CALCOCO2: variants seen among roughly 807,000 people sequenced by gnomAD.
CALCOCO2 encodes calcium binding and coiled-coil domain 2.
In CALCOCO2, 42 loss-of-function variants were observed where a neutral mutation model predicts 62.5. That is an observed-to-expected ratio of 0.67 (90% CI 0.53 to 0.87). CALCOCO2 has a LOEUF of 0.87. Ranked by LOEUF, CALCOCO2 falls within the 40% of genes least tolerant of loss-of-function variation. The probability of loss-of-function intolerance (pLI) is 0.00; values close to 1 mark genes in which losing one functional copy is unlikely to be tolerated. For synonymous variants in CALCOCO2, 167 were observed against 173.0 expected, an observed-to-expected ratio of 0.97 and a Z score of 0.27; for missense variants, 456 against 515.0, an observed-to-expected ratio of 0.89 and a Z score of 1.11.
At chr17:48,842,866 C>T (rs371864229) in intron 2 of CALCOCO2, among the ~76,000 whole-genome samples, 21 of 152,002 alleles carry the variant, frequency 1.4e-4, no homozygotes, top group African/African-American at 4.8e-4. Context: ...GTCTTGAATT[C>T]CTGACCTTGT....
At chr17:48,835,272 C>T (rs546210012) in intron 1 of CALCOCO2, among the ~76,000 whole-genome samples, 22 of 152,230 alleles carry the variant, frequency 1.4e-4, no homozygotes, top group East Asian at 9.7e-4. Context: ...TGACCAAGTT[C>T]GGGTTGGCAT....
In CALCOCO2 at chr17:48,854,068, C is replaced by A. The variant is rs571454640; in HGVS notation, c.912+1056C>A. On this transcript the variant is annotated intron_variant, in intron 9 of 12. Coordinates refer to ENST00000258947, the MANE Select transcript of CALCOCO2 (RefSeq NM_005831.5). ...CGGTGGCTCGCGCCTGTAATCCCAG[C>A]ACTTTGGGAGGCGGAGGCAGGTGGA... Among the ~76,000 whole-genome samples, 247 of 152,072 alleles carry A rather than the reference C, an allele frequency of 1.6e-3. 1 individual carries two copies. Among genetic ancestry groups the A allele is most frequent in the African/African-American group, 5.8e-3 (242 of 41,520 alleles).
intron 10 of CALCOCO2, among the ~76,000 whole-genome samples, chr17:48,858,169 A>G (rs563168218): frequency 6.6e-6 from 1 of 151,900 alleles, no homozygotes; most frequent in South Asian, 2.1e-4. Flanking sequence ...CCATCTTGCA[A>G]CATTAAAACT....
At position 48,857,802 on chromosome 17, in the gene CALCOCO2, G is replaced by C. The variant is rs1262699615; in HGVS notation, c.1008+1615G>C. The stretch of plus-strand genomic sequence containing the variant: ...ATCCTGGCTAACACAGTGAAACCCC[G>C]TCTCTACTAAAAATACAAAAAAAAA... On this transcript the variant is annotated intron_variant, in intron 10 of 12. Transcript: ENST00000258947. 8.3e-5 allele frequency among the ~76,000 whole-genome samples: 12 copies of C among 144,448 alleles called. No homozygotes were observed. In the South Asian group the frequency reaches 2.8e-3, roughly 33 times the overall value. The allele number at this position is 144,448 out of a possible 152,430, so 94.8% of individuals were successfully genotyped here. A position where few individuals can be genotyped will look rare whatever the true frequency, so the allele number is the denominator to read the frequency against.
At chr17:48,836,481 T>C (rs2039891850) in intron 1 of CALCOCO2, among the ~76,000 whole-genome samples, 1 of 152,250 alleles carries the variant, frequency 6.6e-6, no homozygotes, top group African/African-American at 2.4e-5. Context: ...TTTTACTTTT[T>C]GATGAATGAT....
chr17:48,850,932 AAG>A (rs373338457), intron 5 of CALCOCO2, 155 bp from the exon 6 acceptor site: 184 of 486,736 alleles, frequency 3.8e-4, no homozygotes, highest in Admixed American at 1.5e-3. Context: ...AAAAAAAAAA[AAG>A]AACATTTTCC....
rs1170933709 is a variant in CALCOCO2 at position 48,841,810 on chromosome 17, G to A, written c.103G>A (p.Gly35Arg). Residue 35 changes from glycine (G) to arginine (R), a missense_variant, in exon 2 of 13, where the codon GGA becomes AGA. Transcript: ENST00000258947. ...CAGTGTGGAGAAGTTCTACATCCCT[G>A]GAGGGGACGTCACATGTCATTATAC... Reference protein sequence around the residue: ...FNSVEKFYIPGGDVTCHYTFT... With the variant: ...FNSVEKFYIPRGDVTCHYTFT... The A allele has an allele frequency of 6.2e-7, 1 of 1,613,450 alleles. No individual in the cohort carries two copies. The highest frequency in any genetic ancestry group is 8.5e-7 in the Non-Finnish European group (1 of 1,179,448).
intron 9 of CALCOCO2, among the ~76,000 whole-genome samples, chr17:48,855,150 TG>T (rs1314856450): frequency 6.6e-6 from 1 of 152,166 alleles, no homozygotes; most frequent in African/African-American, 2.4e-5. Flanking sequence ...GAAACTAGCA[TG>T]GGGGTCCCTG....
At chr17:48,843,190 G>A (rs1231958382) in intron 2 of CALCOCO2, among the ~76,000 whole-genome samples, 1 of 152,014 alleles carries the variant, frequency 6.6e-6, no homozygotes, top group Non-Finnish European at 1.5e-5. Context: ...TGATCACCCC[G>A]TCAGTTCAAG....
rs747256547 is a variant in CALCOCO2, at chr17:48,853,029, A to T, written c.912+17A>T. 3.2e-6 allele frequency: 5 copies of T among 1,564,198 alleles called. No homozygotes were observed. In the East Asian group the frequency reaches 1.1e-4, roughly 35 times the overall value. ...GAATTAATGGCATGTCTGTCTTTGG[A>T]TGGTTATGTGGGAGGGAGCCTATAG... is the stretch of plus-strand genomic sequence containing the variant. On this transcript the variant is annotated intron_variant, in intron 9 of 12. Transcript: ENST00000258947.
intron 11 of CALCOCO2, among the ~76,000 whole-genome samples, chr17:48,861,487 A>T (rs1243545684): frequency 6.6e-6 from 1 of 151,940 alleles, no homozygotes; most frequent in Admixed American, 6.6e-5. Flanking sequence ...AAGTGCTGGG[A>T]TATGTGAGCC....
At chr17:48,851,786 G>A (rs934347476) in intron 7 of CALCOCO2, 158 bp downstream of exon 7, 2 of 593,990 alleles carry the variant, frequency 3.4e-6, no homozygotes, top group Admixed American at 2.7e-5. Context: ...TTCCATTCTT[G>A]GACCAGGTAA....
chr17:48,833,023 G>A (rs1443108623), intron 1 of CALCOCO2, among the ~76,000 whole-genome samples: 3 of 152,152 alleles, frequency 2.0e-5, no homozygotes, highest in Non-Finnish European at 2.9e-5. Context: ...CATATTTTAG[G>A]TAAGGGTCTA....
chr17:48,858,029 GAATAGAATAGAATAGAAAATAGAAT>G (rs1212356479), intron 10 of CALCOCO2, among the ~76,000 whole-genome samples: 1 of 20,328 alleles, frequency 4.9e-5, no homozygotes, highest in Non-Finnish European at 1.5e-4. Flanking sequence ...GAATAGAATA[GAATAGAATAGAATAGAAAATAGAAT>G]AGAATAGAAT....
intron 2 of CALCOCO2, among the ~76,000 whole-genome samples, chr17:48,846,947 C>A (rs2040060875): frequency 6.6e-6 from 1 of 152,144 alleles, no homozygotes; most frequent in South Asian, 2.1e-4. Flanking sequence ...AAGATTTGAG[C>A]AATCTTTTAC....
chr17:48,842,646 C>CTT (rs767641922), intron 2 of CALCOCO2: 15,334 of 99,366 alleles, frequency 0.15, 1,390 homozygotes, highest in African/African-American at 0.33. Context: ...TGATTTCTTT[C>CTT]TTTTTTTTTT....
chr17:48,854,408 T>A (rs1406371007), intron 9 of CALCOCO2, among the ~76,000 whole-genome samples: 420 of 10,076 alleles, frequency 0.042, 35 homozygotes, highest in African/African-American at 0.092. Context: ...TTTTTTTTTT[T>A]TTTTTTTTTT....
chr17:48,850,595 C>T (rs1475927911), intron 5 of CALCOCO2, among the ~76,000 whole-genome samples: 1 of 152,118 alleles, frequency 6.6e-6, no homozygotes, highest in Non-Finnish European at 1.5e-5. Flanking sequence ...TTGAACAGCG[C>T]TGTTCTAGGA....
intron 9 of CALCOCO2, 25 bp downstream of exon 9, chr17:48,853,037 G>A: frequency 6.7e-7 from 1 of 1,491,680 alleles, no homozygotes; most frequent in East Asian, 2.3e-5. Context: ...GGATGGTTAT[G>A]TGGGAGGGAG....
Sources: gnomAD v4.1 joint callset for allele counts (sites outside exome capture counted in the v4.1 genomes callset) on GRCh38, gnomAD v4.1.1 for gene constraint, MANE v1.5 for transcripts, NCBI Gene and HGNC (gene_info 2026-07-23, HGNC 2026-07-21) for gene names.